PLXDC1: variants seen among roughly 807,000 people sequenced by gnomAD.
PLXDC1 encodes the protein plexin domain containing 1, also known as plexin domain-containing protein 1.
PLXDC1 carries 39 observed loss-of-function variants against 61.3 expected under a neutral mutation model. The ratio of observed to expected loss-of-function variants is 0.64; its 90% CI spans 0.49 to 0.83. PLXDC1 has a LOEUF of 0.83. Among genes scored for constraint, PLXDC1 ranks in the 40% least tolerant of loss-of-function variants. The pLI, the probability that PLXDC1 is intolerant of heterozygous loss-of-function variation, is 0.00. For missense variants in PLXDC1, 596 were observed against 666.5 expected, an observed-to-expected ratio of 0.89 and a Z score of 1.17; for synonymous variants, 212 against 254.5, an observed-to-expected ratio of 0.83 and a Z score of 1.59.
chr17:39,149,135 CT>C (rs2045358471), intron 1 of PLXDC1, among the ~76,000 whole-genome samples: 1 of 152,186 alleles, frequency 6.6e-6, no homozygotes, highest in African/African-American at 2.4e-5. Context: ...GGCCACTCAT[CT>C]CTCTGCTGCT....
chr17:39,098,438 C>G (rs1181064973), intron 7 of PLXDC1, among the ~76,000 whole-genome samples: 2 of 152,066 alleles, frequency 1.3e-5, no homozygotes, highest in Non-Finnish European at 2.9e-5. Context: ...TGCCCTAACC[C>G]CAGCAACTAG....
upstream of PLXDC1, among the ~76,000 whole-genome samples, chr17:39,152,209 C>G (rs1042093783): frequency 6.7e-6 from 1 of 149,736 alleles, no homozygotes; most frequent in African/African-American, 2.4e-5. Flanking sequence ...CACCGATTTG[C>G]CCCCCAAGCC....
chr17:39,095,367 GCC>G (rs1183879667), intron 7 of PLXDC1, among the ~76,000 whole-genome samples: 2 of 7,586 alleles, frequency 2.6e-4, no homozygotes, highest in Admixed American at 1.2e-3. Context: ...CTTACGCCCC[GCC>G]CCCCCCCCCC....
chr17:39,127,342 G>C (rs1179661999), intron 2 of PLXDC1, among the ~76,000 whole-genome samples: 1 of 151,982 alleles, frequency 6.6e-6, no homozygotes, highest in Non-Finnish European at 1.5e-5. Context: ...CTAAAGCCGG[G>C]ACCATCCTGG....
chr17:39,146,436 G>T (rs1259264411), intron 1 of PLXDC1, among the ~76,000 whole-genome samples: 2 of 151,986 alleles, frequency 1.3e-5, no homozygotes, highest in East Asian at 3.9e-4. Flanking sequence ...CAACACTTTG[G>T]GAGGGTGAGG....
At chr17:39,108,541 G>T (rs150020136) in intron 4 of PLXDC1, among the ~76,000 whole-genome samples, 87 of 152,300 alleles carry the variant, frequency 5.7e-4, no homozygotes, top group African/African-American at 2.1e-3. Context: ...ATGTGGAACT[G>T]AAGTGCAGGG....
At chr17:39,080,217 T>C (rs1174850221) in intron 9 of PLXDC1, 2 of 152,928 alleles carry the variant, frequency 1.3e-5, no homozygotes, top group East Asian at 1.9e-4. Flanking sequence ...TTTAAGGCTA[T>C]AGTGAGCTAT....
chr17:39,109,076 G>A, intron 3 of PLXDC1, 103 bp from the exon 4 acceptor site: 1 of 1,255,096 alleles, frequency 8.0e-7, no homozygotes. Context: ...GAGCAGGCAT[G>A]CCCAGGGCCA....
rs1193767538 is a variant in PLXDC1 at position 39,065,001 on chromosome 17, A to G, written c.*2839T>C. 6.6e-6 allele frequency: 1 copy of G among 152,170 alleles called. No homozygotes were observed. Among genetic ancestry groups the G allele is most frequent in the East Asian group, 1.9e-4 (1 of 5,196 alleles). The allele number at this position is 152,170 out of a possible 1,614,324, so 9.4% of individuals were successfully genotyped here. A position where few individuals can be genotyped will look rare whatever the true frequency, so the allele number is the denominator to read the frequency against. On this transcript the variant is annotated 3_prime_UTR_variant, in exon 14 of 14. Transcript: ENST00000315392. ...GACAGCACCACTCATCTCACTCCCC[A>G]ACTCTAGCACACGTTTTCCCACTGG...
At chr17:39,110,673 A>G (rs980574565) in intron 2 of PLXDC1, among the ~76,000 whole-genome samples, 3 of 152,174 alleles carry the variant, frequency 2.0e-5, no homozygotes, top group African/African-American at 4.8e-5. Context: ...GGCGGCAGAC[A>G]CAGCAGAGTA....
rs1910491736 is a variant in PLXDC1, at chr17:39,103,388, T to A, written c.811+2466A>T. On this transcript the variant is annotated intron_variant, in intron 7 of 13. Transcript: ENST00000315392. The stretch of plus-strand genomic sequence containing the variant: ...CTGTCCATCTCTCCAAAAAAAAATT[T>A]AAAAATTAGTTGGGCATGGTGGCAT... Among the ~76,000 whole-genome samples, 2 of 150,878 alleles carry A rather than the reference T, an allele frequency of 1.3e-5. 1 individual carries two copies. Among genetic ancestry groups the A allele is most frequent in the South Asian group, 4.2e-4 (2 of 4,750 alleles).
upstream of PLXDC1, chr17:39,151,669 T>C (rs1403259996): frequency 1.2e-4 from 1 of 8,664 alleles, no homozygotes; most frequent in Non-Finnish European, 2.5e-4. The surrounding 1 kb of genome is among the most constrained non-coding windows in gnomAD (Gnocchi z 5.2). Flanking sequence ...GCTGGGTCGG[T>C]GGGGGTGGGG....
chr17:39,073,650 T>G (rs1420050141), intron 11 of PLXDC1, among the ~76,000 whole-genome samples: 2 of 152,206 alleles, frequency 1.3e-5, no homozygotes, highest in African/African-American at 4.8e-5. Context: ...CTCCATGTAA[T>G]GCACATTGGC....
At chr17:39,134,202 C>T (rs1307196273) in intron 2 of PLXDC1, among the ~76,000 whole-genome samples, 7 of 149,226 alleles carry the variant, frequency 4.7e-5, no homozygotes, top group African/African-American at 9.9e-5. Context: ...TGCGGTGAAC[C>T]GAGATCGTGC....
chr17:39,103,060 C>CA (rs1180921507), intron 7 of PLXDC1, among the ~76,000 whole-genome samples: 4 of 152,030 alleles, frequency 2.6e-5, no homozygotes. Context: ...ACTAAAAATA[C>CA]AAAAATTAGC....
chr17:39,102,705 T>TACAC (rs553513409), intron 7 of PLXDC1, among the ~76,000 whole-genome samples: 9,200 of 135,884 alleles, frequency 0.068, 328 homozygotes, highest in African/African-American at 0.094. Context: ...TGCTATCAAA[T>TACAC]ACACACACAC....
chr17:39,093,644 A>G (rs1214395178), intron 7 of PLXDC1, among the ~76,000 whole-genome samples: 1 of 152,024 alleles, frequency 6.6e-6, no homozygotes, highest in Non-Finnish European at 1.5e-5. Flanking sequence ...GGAACCCGGG[A>G]GGCAGAGGCT....
intron 8 of PLXDC1, among the ~76,000 whole-genome samples, chr17:39,085,446 T>C (rs1284302842): frequency 6.6e-6 from 1 of 152,224 alleles, no homozygotes; most frequent in Non-Finnish European, 1.5e-5. Flanking sequence ...CGAATCAATA[T>C]ATAAGTGCTC....
intron 1 of PLXDC1, among the ~76,000 whole-genome samples, chr17:39,143,241 C>T (rs1235631050): frequency 6.6e-6 from 1 of 152,212 alleles, no homozygotes; most frequent in East Asian, 1.9e-4. Context: ...GTCACACCTA[C>T]TATGGATGTA....
Sources: allele counts gnomAD v4.1 joint callset (sites outside exome capture counted in the v4.1 genomes callset), GRCh38; gene constraint gnomAD v4.1.1; non-coding constraint Gnocchi (gnomAD v3.1); transcripts MANE v1.5; gene names NCBI Gene and HGNC (gene_info 2026-07-23, HGNC 2026-07-21).